Variants in FTO observed in about 807,000 individuals in gnomAD.
FTO encodes the protein FTO alpha-ketoglutarate dependent dioxygenase.
A neutral mutation model predicts 63.9 loss-of-function variants in FTO; 47 were observed. The ratio of observed to expected loss-of-function variants is 0.74; its 90% CI spans 0.58 to 0.94. The LOEUF (loss-of-function observed/expected upper bound fraction) is 0.94, where lower values mean the gene tolerates loss of function less well. Ranked by LOEUF, FTO falls within the 40% of genes least tolerant of loss-of-function variation. FTO has a pLI of 0.00. For missense variants in FTO, 562 were observed against 618.1 expected, an observed-to-expected ratio of 0.91 and a Z score of 0.96; for synonymous variants, 207 against 224.4, an observed-to-expected ratio of 0.92 and a Z score of 0.69.
At chr16:54,030,981 T>C (rs1289053384) in intron 8 of FTO, among the ~76,000 whole-genome samples, 4 of 152,214 alleles carry the variant, frequency 2.6e-5, no homozygotes, top group African/African-American at 4.8e-5. Context: ...TGCCTTTCAA[T>C]TTAGAAATTT....
chr16:53,971,067 G>A (rs1191301049), intron 8 of FTO, among the ~76,000 whole-genome samples: 1 of 152,088 alleles, frequency 6.6e-6, no homozygotes, highest in Non-Finnish European at 1.5e-5. Context: ...TGTAATCATA[G>A]GAGCCTGTGA....
chr16:54,093,245 A>T (rs1282321972), intron 8 of FTO, among the ~76,000 whole-genome samples: 1 of 152,180 alleles, frequency 6.6e-6, no homozygotes, highest in East Asian at 1.9e-4. Context: ...GCTAGAAAGA[A>T]CAGTTTAAAT....
At chr16:53,732,799 G>C (rs1327192125) in intron 1 of FTO, among the ~76,000 whole-genome samples, 2 of 152,272 alleles carry the variant, frequency 1.3e-5, no homozygotes, top group East Asian at 1.9e-4. Flanking sequence ...GACGTTTTTG[G>C]CTTCTGATGA....
chr16:53,864,786 G>T (rs924889485), intron 4 of FTO, among the ~76,000 whole-genome samples: 2 of 152,120 alleles, frequency 1.3e-5, no homozygotes, highest in African/African-American at 4.8e-5. Flanking sequence ...CCTTTGAGAT[G>T]CACAATCCAT....
intron 1 of FTO, among the ~76,000 whole-genome samples, chr16:53,731,556 AAATTT>A (rs2076269304): frequency 6.6e-6 from 1 of 152,066 alleles, no homozygotes; most frequent in African/African-American, 2.4e-5. Flanking sequence ...TCTTTTTTTA[AAATTT>A]AATTTAATTT....
At chr16:54,006,372 A>G (rs778526533) in intron 8 of FTO, among the ~76,000 whole-genome samples, 3 of 152,238 alleles carry the variant, frequency 2.0e-5, no homozygotes, top group Non-Finnish European at 4.4e-5. Context: ...TTTGCTGGCT[A>G]GAGTTCCTTT....
chr16:53,843,646 C>T (rs556109674), intron 3 of FTO, among the ~76,000 whole-genome samples: 1 of 152,058 alleles, frequency 6.6e-6, no homozygotes, highest in Non-Finnish European at 1.5e-5. Flanking sequence ...ATAGAAACAG[C>T]TTTTCTAGTT....
intron 7 of FTO, among the ~76,000 whole-genome samples, chr16:53,917,959 G>A (rs1390790706): frequency 4.6e-5 from 7 of 151,992 alleles, no homozygotes; most frequent in Admixed American, 4.6e-4. Context: ...AGTTTTAATC[G>A]TTACAATGTC....
intron 8 of FTO, among the ~76,000 whole-genome samples, chr16:53,987,763 T>C (rs2083706784): frequency 6.6e-6 from 1 of 152,162 alleles, no homozygotes; most frequent in South Asian, 2.1e-4. Flanking sequence ...TTTATGACTT[T>C]GGTAAAGCCA....
intron 8 of FTO, among the ~76,000 whole-genome samples, chr16:53,971,858 T>C (rs1328418671): frequency 2.0e-5 from 3 of 152,198 alleles, no homozygotes; most frequent in African/African-American, 7.2e-5. Flanking sequence ...TAAAATCCCA[T>C]CCGCGCTGTT....
chr16:53,707,515 T>C (rs2075656417), intron 1 of FTO, among the ~76,000 whole-genome samples: 2 of 152,178 alleles, frequency 1.3e-5, no homozygotes, highest in African/African-American at 4.8e-5. Flanking sequence ...TGGGGAACAA[T>C]ATTCAAATGC....
intron 8 of FTO, among the ~76,000 whole-genome samples, chr16:54,066,338 C>A (rs1435904975): frequency 1.3e-5 from 2 of 152,322 alleles, no homozygotes; most frequent in Admixed American, 6.5e-5. Flanking sequence ...AGTGACACAA[C>A]TGGAAACGTA....
At chr16:54,083,668 C>T (rs1343032829) in intron 8 of FTO, among the ~76,000 whole-genome samples, 7 of 152,092 alleles carry the variant, frequency 4.6e-5, no homozygotes, top group Non-Finnish European at 8.8e-5. Context: ...CACACGACAC[C>T]GCCCTCCCTA....
chr16:53,961,012 G>C (rs1296404479), intron 8 of FTO, among the ~76,000 whole-genome samples: 3 of 152,268 alleles, frequency 2.0e-5, no homozygotes, highest in East Asian at 1.9e-4. Context: ...ACGGTGTCCA[G>C]AAATCAATAC....
chr16:53,886,078 T>G (rs978158776), intron 6 of FTO, among the ~76,000 whole-genome samples: 1 of 152,126 alleles, frequency 6.6e-6, no homozygotes, highest in South Asian at 2.1e-4. Context: ...CCTCAAAACA[T>G]GGTTGGGCAT....
rs71380061 is a variant in FTO at position 54,074,895 on chromosome 16, GGAGAGAGA to G, written c.1365-36851_1365-36844del. ...TAGCTTTAACCAGAACTGGAAAGAG[GGAGAGAGA>G]GAGAGAGAGAGAGAGTGTGTGTGTG... On this transcript the variant is annotated intron_variant, in intron 8 of 8. Transcript: ENST00000471389. 1.5e-3 allele frequency among the ~76,000 whole-genome samples: 210 copies of G among 141,968 alleles called. 1 individual carries two copies. The highest frequency in any genetic ancestry group is 5.3e-3 in the African/African-American group (204 of 38,326). 93.1% of individuals were successfully genotyped at this position (141,968 alleles called of 152,430 possible).
intron 1 of FTO, among the ~76,000 whole-genome samples, chr16:53,726,584 A>G (rs990608633): frequency 2.6e-5 from 4 of 152,216 alleles, no homozygotes; most frequent in African/African-American, 9.6e-5. Flanking sequence ...TAGGAAAAAA[A>G]GTCAAATTTG....
chr16:53,723,239 C>T (rs2076081849), intron 1 of FTO, among the ~76,000 whole-genome samples: 1 of 152,198 alleles, frequency 6.6e-6, no homozygotes, highest in Non-Finnish European at 1.5e-5. Context: ...ACCTTGCCAT[C>T]AATAGCATGT....
At chr16:53,849,051 A>G (rs371492169) in intron 4 of FTO, among the ~76,000 whole-genome samples, 1 of 152,252 alleles carries the variant, frequency 6.6e-6, no homozygotes, top group African/African-American at 2.4e-5. Context: ...GAAAACTGCA[A>G]TAGAAATGTA....
Sources: gnomAD v4.1 joint callset for allele counts (sites outside exome capture counted in the v4.1 genomes callset) on GRCh38, gnomAD v4.1.1 for gene constraint, MANE v1.5 for transcripts, NCBI Gene and HGNC (gene_info 2026-07-23, HGNC 2026-07-21) for gene names.